Variants in PLA2G4C observed in about 807,000 individuals in gnomAD.
PLA2G4C encodes cytosolic phospholipase A2 gamma.
PLA2G4C carries 64 observed loss-of-function variants against 73.8 expected under a neutral mutation model. That is an observed-to-expected ratio of 0.87 (90% confidence interval 0.71 to 1.07). PLA2G4C has a LOEUF of 1.07. Ranked by LOEUF, PLA2G4C falls within the 50% of genes least tolerant of loss-of-function variation. PLA2G4C has a pLI of 0.00. For synonymous variants in PLA2G4C, 254 were observed against 252.1 expected (o/e 1.01, Z -0.07); for missense variants, 622 against 665.4 (o/e 0.93, Z 0.72).
At chr19:48,076,982 C>T (rs1037168093) in intron 11 of PLA2G4C, among the ~76,000 whole-genome samples, 2 of 152,196 alleles carry the variant, frequency 1.3e-5, no homozygotes, top group African/African-American at 4.8e-5. Flanking sequence ...CTTCTCCATA[C>T]AGAATTCATC....
intron 7 of PLA2G4C, among the ~76,000 whole-genome samples, chr19:48,092,069 T>A (rs80163598): frequency 5.3e-4 from 17 of 32,140 alleles, no homozygotes; most frequent in African/African-American, 1.6e-3. Context: ...AAAAAAAAAA[T>A]TTTTTTTTTT....
intron 10 of PLA2G4C, among the ~76,000 whole-genome samples, 160 bp downstream of exon 10, chr19:48,084,899 C>T (rs115380368): frequency 0.027 from 4,179 of 152,216 alleles, 149 homozygotes; most frequent in African/African-American, 0.084. Flanking sequence ...TCCTGGCTGC[C>T]CATAATCAAT....
chr19:48,092,947 A>C (rs1322101442), intron 7 of PLA2G4C, among the ~76,000 whole-genome samples: 1 of 152,200 alleles, frequency 6.6e-6, no homozygotes, highest in Non-Finnish European at 1.5e-5. Flanking sequence ...ATAATAAATA[A>C]AAAGCACCCT....
At chr19:48,085,802 C>A (rs905016000) in intron 9 of PLA2G4C, among the ~76,000 whole-genome samples, 4 of 152,176 alleles carry the variant, frequency 2.6e-5, no homozygotes, top group Non-Finnish European at 5.9e-5. Flanking sequence ...ACGCCCCCAC[C>A]ACACCAGGGA....
chr19:48,073,455 T>A (rs1410790661), intron 12 of PLA2G4C, among the ~76,000 whole-genome samples: 1 of 151,964 alleles, frequency 6.6e-6, no homozygotes, highest in East Asian at 1.9e-4. Context: ...GGCAGGCACT[T>A]GGTCTGACAT....
Position 48,053,087 on chromosome 19 carries a change from A to C in PLA2G4C, c.1490T>G (p.Leu497Arg). The stretch of plus-strand genomic sequence containing the variant: ...TGCCAAGAGTAGCACCACCACATCT[A>C]GAGTGTAGGTGTCAGCAAGCTTGAA... ...DTFKLADTYT[L>R]DVVVLLLALA... Residue 497 changes from leucine to arginine, a missense_variant, in exon 16 of 17, where the codon CTA becomes CGA. Physicochemically the swap from Leu to Arg is moderately radical, Grantham distance 102. Transcript: ENST00000599921. 2.5e-6 allele frequency: 4 copies of C among 1,612,444 alleles called. No homozygotes were observed. The South Asian group carries it at 4.4e-5, about 18-fold the overall frequency.
intron 14 of PLA2G4C, among the ~76,000 whole-genome samples, chr19:48,057,210 A>G (rs1034730221): frequency 1.3e-5 from 2 of 152,154 alleles, no homozygotes; most frequent in Non-Finnish European, 2.9e-5. Flanking sequence ...CATAGTTGTG[A>G]TCTCAAGAAA....
intron 15 of PLA2G4C, among the ~76,000 whole-genome samples, chr19:48,053,975 G>A (rs1967829710): frequency 6.6e-6 from 1 of 152,122 alleles, no homozygotes; most frequent in African/African-American, 2.4e-5. Flanking sequence ...ATTCAGGTAG[G>A]ACAAGAAGGC....
chr19:48,098,386 T>A, intron 5 of PLA2G4C, 127 bp from the exon 6 acceptor site: 1 of 809,790 alleles, frequency 1.2e-6, no homozygotes, highest in Non-Finnish European at 1.8e-6. Flanking sequence ...AGTGCAGTGG[T>A]ACAATAATGG....
intron 13 of PLA2G4C, among the ~76,000 whole-genome samples, chr19:48,066,041 C>T (rs762870497): frequency 1.3e-4 from 19 of 151,132 alleles, no homozygotes; most frequent in Non-Finnish European, 2.1e-4. Flanking sequence ...GAGCTGAGAT[C>T]GCGCCATTGC....
chr19:48,049,500 C>CT (rs2019171901), intron 16 of PLA2G4C, among the ~76,000 whole-genome samples: 1 of 27,648 alleles, frequency 3.6e-5, no homozygotes, highest in Admixed American at 5.0e-4. Context: ...TGTCATGTTG[C>CT]CCCCCGGGAG....
At chr19:48,094,492 C>T (rs775950999) in intron 7 of PLA2G4C, among the ~76,000 whole-genome samples, 3 of 152,178 alleles carry the variant, frequency 2.0e-5, no homozygotes, top group Non-Finnish European at 4.4e-5. Flanking sequence ...ATGTGCTGGA[C>T]ACTGGGCTGA....
chr19:48,095,531 G>C lies in PLA2G4C; in HGVS notation c.642C>G (p.Phe214Leu). ...ALGAFVSITH[F>L]GSKFKKGRLV... The stretch of plus-strand genomic sequence containing the variant: ...GTCTTCCCTTCTTGAATTTGCTTCC[G>C]AAGTGGGTTATGGAAACAAAGGCCC... Residue 214 changes from phenylalanine (F) to leucine (L), a missense_variant, in exon 7 of 17, where the codon TTC becomes TTG. Coordinates refer to ENST00000599921, the MANE Select transcript of PLA2G4C (RefSeq NM_003706.3). 1.9e-6 allele frequency: 3 copies of C among 1,613,978 alleles called. No homozygotes were observed. Among genetic ancestry groups the C allele is most frequent in the Non-Finnish European group, 2.5e-6 (3 of 1,179,938 alleles).
intron 7 of PLA2G4C, 43 bp downstream of exon 7, chr19:48,095,421 C>T: frequency 6.3e-7 from 1 of 1,593,068 alleles, no homozygotes; most frequent in Non-Finnish European, 8.6e-7. Flanking sequence ...GCCTCTCCTC[C>T]ACTTCCCACC....
chr19:48,078,117 T>C (rs2030292788), intron 10 of PLA2G4C, among the ~76,000 whole-genome samples: 1 of 151,954 alleles, frequency 6.6e-6, no homozygotes, highest in Admixed American at 6.6e-5. Flanking sequence ...GAAACAGAAT[T>C]AAAAACAAAA....
intron 16 of PLA2G4C, 141 bp from the exon 17 acceptor site, chr19:48,048,529 A>G: frequency 1.8e-6 from 1 of 550,688 alleles, no homozygotes; most frequent in Non-Finnish European, 3.1e-6. Context: ...TCATTCATTG[A>G]GAAGACCTGG....
intron 16 of PLA2G4C, among the ~76,000 whole-genome samples, chr19:48,051,182 G>A (rs752162555): frequency 5.0e-4 from 76 of 152,290 alleles, no homozygotes; most frequent in Admixed American, 2.3e-3. Flanking sequence ...CAAGGAATGC[G>A]GGTGGCCCCT....
chr19:48,048,396 G>T lies in PLA2G4C; in HGVS notation c.1581-8C>A. ...TCCTTCGGGTAGTAGAGCCTGGGGA[G>T]AAAGGAAAGTTAGAAGTTACCACTG... On this transcript the variant is annotated splice_polypyrimidine_tract_variant and splice_region_variant and intron_variant, in intron 16 of 16. Coordinates refer to ENST00000599921, the MANE Select transcript of PLA2G4C (RefSeq NM_003706.3). 1 of 1,581,968 alleles carries T rather than the reference G, an allele frequency of 6.3e-7. No homozygotes were observed. The highest frequency in any genetic ancestry group is 8.6e-7 in the Non-Finnish European group (1 of 1,168,572).
chr19:48,086,057 AC>A (rs1424061693), intron 9 of PLA2G4C, among the ~76,000 whole-genome samples: 3 of 152,118 alleles, frequency 2.0e-5, no homozygotes, highest in African/African-American at 7.2e-5. Context: ...TCATGAGATA[AC>A]TGTGGGTGGA....
Sources: allele counts gnomAD v4.1 joint callset (sites outside exome capture counted in the v4.1 genomes callset), GRCh38; gene constraint gnomAD v4.1.1; transcripts MANE v1.5; gene names NCBI Gene and HGNC (gene_info 2026-07-23, HGNC 2026-07-21).